The following SLAIN2 variants were observed in gnomAD, a reference collection of about 807,000 sequenced individuals.
SLAIN2 encodes SLAIN motif-containing protein 2.
In SLAIN2, 31 loss-of-function variants were observed where a neutral mutation model predicts 56.6. That is an observed-to-expected ratio of 0.55 (90% confidence interval 0.41 to 0.74). The LOEUF is 0.74. Ranked by LOEUF, SLAIN2 falls within the 30% of genes least tolerant of loss-of-function variation. SLAIN2 has a pLI of 0.00. For synonymous variants in SLAIN2, 317 were observed against 284.9 expected (o/e 1.11, Z -1.13); for missense variants, 777 against 754.2 (o/e 1.03, Z -0.35).
At chr4:48,356,784 TAAA>T (rs1329377800) in intron 1 of SLAIN2, among the ~76,000 whole-genome samples, 1 of 152,072 alleles carries the variant, frequency 6.6e-6, no homozygotes, top group Non-Finnish European at 1.5e-5. Flanking sequence ...CTCTTAAAAT[TAAA>T]AAAACCATGC....
chr4:48,406,569 CAG>C (rs1201134760), intron 6 of SLAIN2, among the ~76,000 whole-genome samples: 1 of 140,836 alleles, frequency 7.1e-6, no homozygotes, highest in Non-Finnish European at 1.5e-5. Context: ...TCCACATTGT[CAG>C]ATACCTGTTA....
At chr4:48,353,429 A>G (rs1560449783) in intron 1 of SLAIN2, among the ~76,000 whole-genome samples, 2 of 152,142 alleles carry the variant, frequency 1.3e-5, no homozygotes, top group Non-Finnish European at 2.9e-5. Context: ...AAAAGACTTC[A>G]TGGTCAGTCT....
At chr4:48,388,724 C>G (rs1289265452) in intron 6 of SLAIN2, among the ~76,000 whole-genome samples, 1 of 152,192 alleles carries the variant, frequency 6.6e-6, no homozygotes, top group Non-Finnish European at 1.5e-5. Context: ...GACCTAATTA[C>G]AAATGAGTGC....
chr4:48,390,201 CTT>C (rs1442737874), intron 6 of SLAIN2, among the ~76,000 whole-genome samples: 1 of 151,228 alleles, frequency 6.6e-6, no homozygotes, highest in Non-Finnish European at 1.5e-5. Context: ...CAGCCTCCCT[CTT>C]AGTAGGTGGG....
intron 6 of SLAIN2, among the ~76,000 whole-genome samples, chr4:48,404,566 T>A (rs1716644327): frequency 6.6e-6 from 1 of 152,182 alleles, no homozygotes; most frequent in African/African-American, 2.4e-5. Flanking sequence ...TATGTAAAAT[T>A]TGGAGAATGA....
At chr4:48,421,393 A>G (rs549128905) in intron 7 of SLAIN2, among the ~76,000 whole-genome samples, 9 of 152,282 alleles carry the variant, frequency 5.9e-5, no homozygotes, top group African/African-American at 2.2e-4. Context: ...TGGGATTACC[A>G]CCATCAGTAA....
At chr4:48,383,285 C>T (rs1444335517) in intron 5 of SLAIN2, among the ~76,000 whole-genome samples, 2 of 150,294 alleles carry the variant, frequency 1.3e-5, no homozygotes, top group African/African-American at 4.9e-5. Flanking sequence ...ATAAGTAAAT[C>T]AAGAGTGTAG....
intron 6 of SLAIN2, among the ~76,000 whole-genome samples, chr4:48,418,229 T>C (rs1405577417): frequency 6.6e-6 from 1 of 152,068 alleles, no homozygotes; most frequent in Non-Finnish European, 1.5e-5. Flanking sequence ...TATGTTCTTG[T>C]CTTGTTCCTG....
chr4:48,405,466 A>G (rs1213595294), intron 6 of SLAIN2, among the ~76,000 whole-genome samples: 1 of 151,718 alleles, frequency 6.6e-6, no homozygotes, highest in Non-Finnish European at 1.5e-5. Flanking sequence ...CCACCAGATC[A>G]TTTGTTCTGC....
Position 48,380,103 on chromosome 4 carries a change from G to A in SLAIN2, c.862+255G>A, listed in dbSNP as rs1421757968. On this transcript the variant is annotated intron_variant, in intron 4 of 7. Coordinates refer to ENST00000264313, the MANE Select transcript of SLAIN2 (RefSeq NM_020846.2). ...TTATGCTGCTCTGCTTCTATGACTGGTTTTTATACCCTGCATGTTACTCTG... is the reference window on the plus strand; with the variant it reads ...TTATGCTGCTCTGCTTCTATGACTGATTTTTATACCCTGCATGTTACTCTG... Among the ~76,000 whole-genome samples, 4 of 152,138 alleles carry A rather than the reference G, an allele frequency of 2.6e-5. No individual in the cohort carries two copies. In the East Asian group the frequency reaches 7.7e-4, roughly 29 times the overall value.
chr4:48,377,927 T>A lies in SLAIN2; in HGVS notation c.570T>A (p.Pro190=), dbSNP rs1715865075. The A allele has an allele frequency of 6.2e-7, 1 of 1,613,850 alleles. No homozygotes were observed. The highest frequency in any genetic ancestry group is 1.1e-5 in the South Asian group (1 of 91,072). The part of the protein sequence containing the change: ...ALKRQNLYNN[P]FNSMSYTSPY... Reference sequence around the variant, plus strand: ...AGAGGCAGAATTTATATAATAATCCTTTCAACTCTATGAGTTACACCAGTC... The same window carrying A: ...AGAGGCAGAATTTATATAATAATCCATTCAACTCTATGAGTTACACCAGTC... The change falls in exon 3 of 8, where the codon CCT becomes CCA. Residue 190 remains proline, a synonymous_variant. Coordinates refer to ENST00000264313, the MANE Select transcript of SLAIN2 (RefSeq NM_020846.2).
chr4:48,390,327 C>T (rs1716207572), intron 6 of SLAIN2, among the ~76,000 whole-genome samples: 1 of 151,948 alleles, frequency 6.6e-6, no homozygotes, highest in Non-Finnish European at 1.5e-5. Flanking sequence ...GATCCTCCCG[C>T]CTCGGCCTCC....
intron 2 of SLAIN2, among the ~76,000 whole-genome samples, chr4:48,372,857 G>A (rs1308281556): frequency 6.6e-6 from 1 of 151,976 alleles, no homozygotes. Flanking sequence ...GAACTTTGTA[G>A]TTGTAAATCC....
At chr4:48,363,357 A>C (rs1577714331) in intron 1 of SLAIN2, among the ~76,000 whole-genome samples, 3 of 63,546 alleles carry the variant, frequency 4.7e-5, no homozygotes, top group Admixed American at 1.3e-4. Context: ...GGCGCCCCTC[A>C]CCTCCCGGAC....
chr4:48,407,867 A>C (rs1162728315), intron 6 of SLAIN2, among the ~76,000 whole-genome samples: 1 of 152,178 alleles, frequency 6.6e-6, no homozygotes, highest in Non-Finnish European at 1.5e-5. Flanking sequence ...CACTTCTTCC[A>C]GCCCCTGGCA....
chr4:48,344,119 T>A (rs1714798672), intron 1 of SLAIN2, among the ~76,000 whole-genome samples: 1 of 152,238 alleles, frequency 6.6e-6, no homozygotes, highest in South Asian at 2.1e-4. Context: ...CCTTAAATAC[T>A]GTTCCAGGAG....
intron 1 of SLAIN2, among the ~76,000 whole-genome samples, chr4:48,344,345 C>A (rs1311490436): frequency 6.6e-6 from 1 of 152,188 alleles, no homozygotes; most frequent in Non-Finnish European, 1.5e-5. Flanking sequence ...CCTTTCTTAG[C>A]AAGCTAAGAA....
At chr4:48,346,989 A>G (rs1169439990) in intron 1 of SLAIN2, among the ~76,000 whole-genome samples, 2 of 151,746 alleles carry the variant, frequency 1.3e-5, no homozygotes, top group Non-Finnish European at 2.9e-5. Flanking sequence ...TTCCATTGTT[A>G]GCAGTGGTTT....
chr4:48,375,109 G>A (rs80042376), intron 2 of SLAIN2, among the ~76,000 whole-genome samples: 4,271 of 152,146 alleles, frequency 0.028, 66 homozygotes, highest in Admixed American at 0.046. Flanking sequence ...GAAAGAATAT[G>A]GCATAGACTG....
Sources: allele counts gnomAD v4.1 joint callset (sites outside exome capture counted in the v4.1 genomes callset), GRCh38; gene constraint gnomAD v4.1.1; transcripts MANE v1.5; gene names NCBI Gene and HGNC (gene_info 2026-07-23, HGNC 2026-07-21).